Variants in WDR70 observed in about 807,000 individuals in gnomAD.
WDR70 encodes the protein WD repeat-containing protein 70.
In WDR70, 53 loss-of-function variants were observed where a neutral mutation model predicts 88.6. That is an observed-to-expected ratio of 0.60 (90% CI 0.48 to 0.75). WDR70 has a LOEUF of 0.75. Among genes scored for constraint, WDR70 ranks in the 30% least tolerant of loss-of-function variants. The pLI is 0.00. For missense variants in WDR70, 610 were observed against 823.2 expected, an observed-to-expected ratio of 0.74 and a Z score of 3.17; for synonymous variants, 280 against 270.0, an observed-to-expected ratio of 1.04 and a Z score of -0.36.
chr5:37,746,743 C>T (rs112041472), intron 17 of WDR70, among the ~76,000 whole-genome samples: 40 of 152,292 alleles, frequency 2.6e-4, no homozygotes, highest in African/African-American at 9.4e-4. Context: ...CCTGAATAGA[C>T]CAATAACAAG....
chr5:37,532,337 A>G (rs967819103), intron 9 of WDR70, among the ~76,000 whole-genome samples: 1 of 152,190 alleles, frequency 6.6e-6, no homozygotes, highest in African/African-American at 2.4e-5. Flanking sequence ...CTCCTTAATT[A>G]TTCCCTCAAA....
intron 10 of WDR70, among the ~76,000 whole-genome samples, chr5:37,608,359 G>A (rs994215141): frequency 5.3e-5 from 8 of 151,766 alleles, no homozygotes; most frequent in African/African-American, 1.9e-4. Flanking sequence ...CACTCTTATA[G>A]CTATTCATAT....
intron 5 of WDR70, among the ~76,000 whole-genome samples, chr5:37,420,436 TTTTTTTC>T (rs34854253): frequency 0.013 from 2,016 of 152,238 alleles, 42 homozygotes; most frequent in African/African-American, 0.045. Context: ...AAAAGATTTG[TTTTTTTC>T]TTTTTTCTTT....
chr5:37,408,414 C>T (rs1376825928), intron 5 of WDR70, among the ~76,000 whole-genome samples: 1 of 151,954 alleles, frequency 6.6e-6, no homozygotes, highest in African/African-American at 2.4e-5. Context: ...GTGGAGGTTC[C>T]AGTGAGCCGA....
At chr5:37,497,970 C>T (rs980988990) in intron 8 of WDR70, among the ~76,000 whole-genome samples, 1 of 152,066 alleles carries the variant, frequency 6.6e-6, no homozygotes, top group Non-Finnish European at 1.5e-5. Context: ...TATAAGCGTG[C>T]TCCACTAAAC....
chr5:37,577,119 A>G (rs1743082647), intron 9 of WDR70, among the ~76,000 whole-genome samples: 1 of 152,224 alleles, frequency 6.6e-6, no homozygotes. Flanking sequence ...GTTCTAAGGG[A>G]TGCTAGTGAG....
chr5:37,524,532 A>C (rs1032616385), intron 9 of WDR70, among the ~76,000 whole-genome samples: 6 of 152,366 alleles, frequency 3.9e-5, no homozygotes, highest in African/African-American at 1.4e-4. Context: ...AAAAAATGCC[A>C]AATTGTAAAG....
intron 10 of WDR70, among the ~76,000 whole-genome samples, chr5:37,683,283 G>A (rs1181699688): frequency 6.6e-6 from 1 of 152,116 alleles, no homozygotes; most frequent in East Asian, 1.9e-4. Context: ...TATCCAGCTT[G>A]CCACTCTGTG....
At chr5:37,660,418 C>A (rs770998944) in intron 10 of WDR70, among the ~76,000 whole-genome samples, 2 of 148,994 alleles carry the variant, frequency 1.3e-5, no homozygotes, top group Non-Finnish European at 3.0e-5. Context: ...GAAATCTCAT[C>A]TATAGTTGTG....
At chr5:37,595,789 AG>A (rs1347968005) in intron 9 of WDR70, among the ~76,000 whole-genome samples, 2 of 152,124 alleles carry the variant, frequency 1.3e-5, no homozygotes, top group Non-Finnish European at 2.9e-5. Context: ...GTGTATGCCT[AG>A]GGCCTTTACC....
intron 10 of WDR70, chr5:37,619,918 T>TG (rs1491319053): frequency 9.3e-5 from 2 of 21,498 alleles, no homozygotes; most frequent in East Asian, 6.1e-4. Flanking sequence ...ATTTACCAGG[T>TG]TTTTTTTTTT....
chr5:37,531,369 G>T (rs72738759), intron 9 of WDR70, among the ~76,000 whole-genome samples: 4,443 of 152,078 alleles, frequency 0.029, 91 homozygotes, highest in Middle Eastern at 0.092. Context: ...AGTGTCAGTG[G>T]AGTATTGAAG....
At chr5:37,390,994 G>A (rs550079180) in intron 3 of WDR70, among the ~76,000 whole-genome samples, 24 of 152,168 alleles carry the variant, frequency 1.6e-4, no homozygotes, top group Non-Finnish European at 2.9e-4. Flanking sequence ...GGGATTACAA[G>A]CATGAGCCAC....
At chr5:37,379,649 AT>A in intron 2 of WDR70, 95 bp downstream of exon 2, 1 of 1,350,184 alleles carries the variant, frequency 7.4e-7, no homozygotes, top group South Asian at 1.2e-5. Context: ...ACTCGGAATT[AT>A]TGTAGCTCGG....
chr5:37,562,270 T>C (rs1742529539), intron 9 of WDR70, among the ~76,000 whole-genome samples: 2 of 152,006 alleles, frequency 1.3e-5, no homozygotes, highest in African/African-American at 4.8e-5. Context: ...GGCGCAAAAA[T>C]TGCTTGAACC....
intron 5 of WDR70, among the ~76,000 whole-genome samples, chr5:37,415,908 C>T (rs1749726850): frequency 1.3e-5 from 2 of 149,286 alleles, no homozygotes; most frequent in South Asian, 2.1e-4. Context: ...ACATCTCAGA[C>T]GATGGGCCGC....
chr5:37,703,609 T>TAAA (rs1747232883), intron 13 of WDR70, among the ~76,000 whole-genome samples: 1 of 152,100 alleles, frequency 6.6e-6, no homozygotes, highest in Non-Finnish European at 1.5e-5. Flanking sequence ...TTCAACACCT[T>TAAA]AAAAAAACAC....
At chr5:37,495,685 G>T (rs1280838903) in intron 8 of WDR70, among the ~76,000 whole-genome samples, 2 of 152,170 alleles carry the variant, frequency 1.3e-5, no homozygotes, top group African/African-American at 2.4e-5. Context: ...GAGAGAAAAA[G>T]TAGTTTATTT....
At chr5:37,728,679 C>CCACT (rs577513223) in intron 17 of WDR70, among the ~76,000 whole-genome samples, 30 of 152,144 alleles carry the variant, frequency 2.0e-4, no homozygotes, top group African/African-American at 7.2e-4. Flanking sequence ...CTAACTTTGG[C>CCACT]CACTTGCTTA....
Sources: allele counts gnomAD v4.1 joint callset (sites outside exome capture counted in the v4.1 genomes callset), GRCh38; gene constraint gnomAD v4.1.1; transcripts MANE v1.5; gene names NCBI Gene and HGNC (gene_info 2026-07-23, HGNC 2026-07-21).